The following CHD6 variants were observed in gnomAD, a reference collection of about 807,000 sequenced individuals.
CHD6 encodes chromodomain helicase DNA binding protein 6, also known as ATP-dependent chromatin remodeler CHD6.
Under a neutral mutation model 276.9 loss-of-function variants are expected in CHD6, and 50 were observed. The observed-to-expected ratio is 0.18, with a 90% CI of 0.14 to 0.23. The LOEUF is 0.23. CHD6 is among the 10% of genes least tolerant of loss of function. The pLI is 1.00. For synonymous variants in CHD6, 1,173 were observed against 1,229.3 expected (o/e 0.95, Z 0.96); for missense variants, 2,564 against 3,365.8 (o/e 0.76, Z 5.89).
chr20:41,467,490 T>C (rs1213068389), intron 17 of CHD6, among the ~76,000 whole-genome samples: 1 of 151,194 alleles, frequency 6.6e-6, no homozygotes, highest in Non-Finnish European at 1.5e-5. Flanking sequence ...GCTCACAATT[T>C]CTTCTTTATT....
chr20:41,588,000 G>C (rs1446140403), intron 1 of CHD6, among the ~76,000 whole-genome samples: 1 of 152,100 alleles, frequency 6.6e-6, no homozygotes, highest in African/African-American at 2.4e-5. Context: ...GAAAAAGTAA[G>C]AGGGAGCATA....
At chr20:41,487,636 T>C in intron 14 of CHD6, 29 bp downstream of exon 14, 1 of 1,581,754 alleles carries the variant, frequency 6.3e-7, no homozygotes, top group Non-Finnish European at 8.6e-7. Context: ...GATCACACTG[T>C]CTCCTCAATT....
At position 41,404,386 on chromosome 20, in the gene CHD6, CTAGACTAGG is replaced by C; in HGVS notation, c.*198_*206del. On this transcript the variant is annotated 3_prime_UTR_variant, in exon 37 of 37. Transcript: ENST00000373233. ...TAACAGAATGAGAATTCTGTGCCTC[CTAGACTAGG>C]TAGACAACACTTATCTAATGAAGTG... is the stretch of plus-strand genomic sequence containing the variant. The C allele has an allele frequency of 7.1e-6, 9 of 1,266,238 alleles. No individual in the cohort carries two copies. Among genetic ancestry groups the C allele is most frequent in the Non-Finnish European group, 7.9e-6 (8 of 1,007,488 alleles). The allele number at this position is 1,266,238 out of a possible 1,614,324, so 78.4% of individuals were successfully genotyped here.
chr20:41,458,425 T>C (rs1049495342), intron 17 of CHD6, among the ~76,000 whole-genome samples: 1 of 152,244 alleles, frequency 6.6e-6, no homozygotes, highest in Non-Finnish European at 1.5e-5. Context: ...CTGTTCACAT[T>C]TGGCTCATGG....
At chr20:41,498,972 G>A (rs750080286) in intron 6 of CHD6, among the ~76,000 whole-genome samples, 13 of 151,950 alleles carry the variant, frequency 8.6e-5, no homozygotes, top group Admixed American at 2.6e-4. Flanking sequence ...AATGAACCTG[G>A]CCTCTATTAG....
chr20:41,462,280 C>T (rs1290558766), intron 17 of CHD6, among the ~76,000 whole-genome samples: 1 of 152,146 alleles, frequency 6.6e-6, no homozygotes, highest in Non-Finnish European at 1.5e-5. Flanking sequence ...CAATTTTCAA[C>T]CACATCAATA....
In CHD6 at chr20:41,421,181, T is replaced by A; in HGVS notation, c.5454A>T (p.Gly1818=). ...KCLASPSLNP[G]NESGFVDMCS... ...ACATATCTACAAACCCACTTTCATT[T>A]CCTGGATTCAAGGAAGGGGAAGCTA... The change falls in exon 31 of 37, where the codon GGA becomes GGT. Residue 1818 remains glycine, a synonymous_variant. Coordinates refer to ENST00000373233, the MANE Select transcript of CHD6 (RefSeq NM_032221.5). 6.2e-7 allele frequency: 1 copy of A among 1,613,342 alleles called. No homozygotes were observed. Among genetic ancestry groups the A allele is most frequent in the South Asian group, 1.1e-5 (1 of 90,896 alleles).
intron 3 of CHD6, among the ~76,000 whole-genome samples, chr20:41,528,914 A>G (rs2044611461): frequency 6.6e-6 from 1 of 152,222 alleles, no homozygotes. Context: ...TTAGTCCTTG[A>G]AAGGATACCA....
At chr20:41,536,872 A>C (rs542499594) in intron 2 of CHD6, among the ~76,000 whole-genome samples, 1 of 152,162 alleles carries the variant, frequency 6.6e-6, no homozygotes, top group Non-Finnish European at 1.5e-5. Flanking sequence ...ATAGAGAGAG[A>C]GCCTTTCACT....
intron 2 of CHD6, among the ~76,000 whole-genome samples, chr20:41,538,963 G>A (rs2044888022): frequency 6.6e-6 from 1 of 152,132 alleles, no homozygotes; most frequent in Non-Finnish European, 1.5e-5. Context: ...CAGCCACAGA[G>A]CCTACCTACG....
intron 3 of CHD6, among the ~76,000 whole-genome samples, chr20:41,529,836 G>C (rs954420752): frequency 6.6e-6 from 1 of 152,066 alleles, no homozygotes; most frequent in South Asian, 2.1e-4. Context: ...GAGCAATCAG[G>C]GGGCAACAGG....
chr20:41,591,865 C>G (rs1276163033), intron 1 of CHD6, among the ~76,000 whole-genome samples: 1 of 152,048 alleles, frequency 6.6e-6, no homozygotes, highest in Non-Finnish European at 1.5e-5. Context: ...TCTGGGAGGC[C>G]AAGGCAGGCA....
At position 41,415,178 on chromosome 20, in the gene CHD6, A is replaced by T; in HGVS notation, c.6939+8T>A. The T allele has an allele frequency of 6.2e-7, 1 of 1,611,518 alleles. No homozygotes were observed. The highest frequency in any genetic ancestry group is 8.5e-7 in the Non-Finnish European group (1 of 1,178,318). ...AAATGTTTTTAATCTAATGACCTCA[A>T]TACCCACCAAGATTCCCGCCTGAAG... On this transcript the variant is annotated splice_region_variant and intron_variant, in intron 34 of 36. Transcript: ENST00000373233.
intron 2 of CHD6, among the ~76,000 whole-genome samples, chr20:41,544,639 A>G (rs941804618): frequency 4.0e-5 from 6 of 150,736 alleles, no homozygotes; most frequent in South Asian, 2.1e-4. Context: ...ATTAACATAT[A>G]ATTAATCATA....
At chr20:41,590,459 A>G (rs924908296) in intron 1 of CHD6, among the ~76,000 whole-genome samples, 5 of 152,200 alleles carry the variant, frequency 3.3e-5, no homozygotes, top group African/African-American at 1.2e-4. Context: ...TTTACAATCT[A>G]CTCATCTGAC....
rs755413715 is a variant in CHD6, at chr20:41,512,870, G to A, written c.828C>T (p.Ala276=). 1.2e-6 allele frequency: 2 copies of A among 1,614,002 alleles called. No individual in the cohort carries two copies. The highest frequency in any genetic ancestry group is 3.3e-4 in the Middle Eastern group (2 of 6,058). Residue 276 remains alanine, a synonymous_variant, in exon 5 of 37, where the codon GCC becomes GCT. Transcript: ENST00000373233. ...LGAGRTSALS[A]STLAWQAEEP... is the part of the protein sequence containing the mutation. Reference sequence around the variant, plus strand: ...CCTCCGCCTGCCAGGCCAGTGTAGAGGCTGAGAGTGCAGATGTTCGACCAG... The same window carrying A: ...CCTCCGCCTGCCAGGCCAGTGTAGAAGCTGAGAGTGCAGATGTTCGACCAG...
At chr20:41,610,425 G>T (rs2045874624) in intron 1 of CHD6, among the ~76,000 whole-genome samples, 1 of 152,052 alleles carries the variant, frequency 6.6e-6, no homozygotes, top group African/African-American at 2.4e-5. Context: ...TTCAAGGGAG[G>T]CTTGGTAAAT....
chr20:41,610,139 AGCCATTGGTGCCCGG>A, intron 1 of CHD6, among the ~76,000 whole-genome samples: 1 of 152,048 alleles, frequency 6.6e-6, no homozygotes, highest in Non-Finnish European at 1.5e-5. Context: ...TACAGGCATA[AGCCATTGGTGCCCGG>A]CCTATGTTTA....
intron 3 of CHD6, among the ~76,000 whole-genome samples, chr20:41,522,244 G>A (rs998680873): frequency 2.4e-4 from 36 of 152,110 alleles, no homozygotes; most frequent in African/African-American, 8.4e-4. Context: ...TACTTGGGAG[G>A]CTGAGATGGG....
Sources: gnomAD v4.1 joint callset for allele counts (sites outside exome capture counted in the v4.1 genomes callset) on GRCh38, gnomAD v4.1.1 for gene constraint, MANE v1.5 for transcripts, NCBI Gene and HGNC (gene_info 2026-07-23, HGNC 2026-07-21) for gene names.